Variants in SLC7A1 observed in about 807,000 individuals in gnomAD.
The protein encoded by SLC7A1 is solute carrier family 7 member 1.
A neutral mutation model predicts 53.9 loss-of-function variants in SLC7A1; 10 were observed. The ratio of observed to expected loss-of-function variants is 0.19; its 90% CI spans 0.11 to 0.31. The LOEUF (loss-of-function observed/expected upper bound fraction) is 0.31, where lower values mean the gene tolerates loss of function less well. SLC7A1 is among the 10% of genes least tolerant of loss of function. The pLI, the probability that SLC7A1 is intolerant of heterozygous loss-of-function variation, is 1.00. For missense variants in SLC7A1, 525 were observed against 827.2 expected (o/e 0.63, Z 4.48); for synonymous variants, 342 against 338.7 (o/e 1.01, Z -0.11).
chr13:29,534,494 T>C (rs1310379956), intron 3 of SLC7A1, among the ~76,000 whole-genome samples: 6 of 152,208 alleles, frequency 3.9e-5, no homozygotes, highest in Non-Finnish European at 8.8e-5. Flanking sequence ...GAATTTTATT[T>C]TAGAACCCAG....
At chr13:29,544,650 G>A (rs1406541364) in intron 2 of SLC7A1, among the ~76,000 whole-genome samples, 3 of 152,138 alleles carry the variant, frequency 2.0e-5, no homozygotes, top group Admixed American at 2.0e-4. Flanking sequence ...ATTCTCCCAA[G>A]GAACGTCCCC....
intron 1 of SLC7A1, among the ~76,000 whole-genome samples, chr13:29,560,000 C>G (rs953964953): frequency 2.0e-5 from 3 of 152,020 alleles, no homozygotes; most frequent in African/African-American, 7.3e-5. Flanking sequence ...CAGGCGTGAG[C>G]CATTGCACCC....
rs368008310 is a variant in SLC7A1 at position 29,517,742 on chromosome 13, G to A, written c.1341C>T (p.Ser447=). 3.3e-5 allele frequency: 53 copies of A among 1,614,050 alleles called. No homozygotes were observed. The Middle Eastern group carries it at 4.9e-4, about 15-fold the overall frequency. ...TTTGGTCTGCTGGATCTAACTCGTC[G>A]GAAGTACTGGCCATCTGGTATACCA... ...PNLVYQMAST[S]DELDPADQNE... The change falls in exon 10 of 13, where the codon TCC becomes TCT. Residue 447 remains serine, a synonymous_variant. Coordinates refer to ENST00000380752, the MANE Select transcript of SLC7A1 (RefSeq NM_003045.5).
At chr13:29,592,990 A>AC (rs1566281023) in intron 1 of SLC7A1, among the ~76,000 whole-genome samples, 3 of 151,582 alleles carry the variant, frequency 2.0e-5, no homozygotes, top group Admixed American at 2.0e-4. Flanking sequence ...GGCTGAAGAG[A>AC]CCCCCCAGAT....
rs771575378 is a variant in SLC7A1 at position 29,523,306 on chromosome 13, A to G, written c.1009T>C (p.Tyr337His). ...FKHVGWEGAK[Y>H]AVAVGSLCAL... ...CAGAGGGAGCCCACGGCCACTGCGT[A>G]CTTGGCACCTTCCCAGCCCACGTGC... Residue 337 changes from tyrosine (Y) to histidine (H), a missense_variant, in exon 7 of 13, where the codon TAC becomes CAC. By Grantham distance (83) the Tyr-to-His change is moderately conservative. Around this residue, in one of 4 missense-constraint regions of SLC7A1, gnomAD observed 354 missense variants for 587.5 expected, o/e 0.60. Transcript: ENST00000380752. The G allele has an allele frequency of 1.9e-6, 3 of 1,613,740 alleles. No individual in the cohort carries two copies. Among genetic ancestry groups the G allele is most frequent in the Non-Finnish European group, 1.7e-6 (2 of 1,180,002 alleles).
At chr13:29,552,147 G>A (rs1189694766) in intron 2 of SLC7A1, among the ~76,000 whole-genome samples, 1 of 151,748 alleles carries the variant, frequency 6.6e-6, no homozygotes, top group African/African-American at 2.4e-5. Context: ...CATAGTCTCA[G>A]AATTAACGAT....
intron 1 of SLC7A1, among the ~76,000 whole-genome samples, chr13:29,555,825 CTGGGGG>C: frequency 6.6e-6 from 1 of 152,224 alleles, no homozygotes; most frequent in East Asian, 1.9e-4. Context: ...TCTGATGACA[CTGGGGG>C]TGATGTTAAC....
intron 2 of SLC7A1, among the ~76,000 whole-genome samples, chr13:29,549,505 C>T (rs555922165): frequency 6.6e-6 from 1 of 152,238 alleles, no homozygotes; most frequent in Non-Finnish European, 1.5e-5. Flanking sequence ...AGTGCCACCC[C>T]AAATTGACCC....
At chr13:29,529,315 C>T (rs776227290) in intron 5 of SLC7A1, among the ~76,000 whole-genome samples, 3 of 152,162 alleles carry the variant, frequency 2.0e-5, no homozygotes, top group Admixed American at 6.5e-5. Context: ...CAATACTGGG[C>T]GACATGGCTG....
rs907022954 is a variant in SLC7A1 at position 29,535,820 on chromosome 13, G to A, written c.369C>T (p.Ile123=). ...GAGCTCCGGACCCCTGGGACCTACC[G>A]ATGATGTAGGAGAGGATTAAGTTCC... ...TGWNLILSYI[I]GTSSVARAWS... is the part of the protein sequence containing the mutation. The change falls in exon 3 of 13, where the codon ATC becomes ATT. Residue 123 remains isoleucine (I), a splice_region_variant and synonymous_variant. Transcript: ENST00000380752. The A allele has an allele frequency of 2.4e-5, 38 of 1,611,042 alleles. No homozygotes were observed. The highest frequency in any genetic ancestry group is 8.0e-5 in the African/African-American group (6 of 74,874).
chr13:29,544,872 G>GT (rs1483510961), intron 2 of SLC7A1, among the ~76,000 whole-genome samples: 1 of 151,034 alleles, frequency 6.6e-6, no homozygotes, highest in Non-Finnish European at 1.5e-5. Flanking sequence ...CTCATCGGGG[G>GT]GGGGGGGCAA....
chr13:29,586,945 C>G (rs1344847344), intron 1 of SLC7A1, among the ~76,000 whole-genome samples: 2 of 152,216 alleles, frequency 1.3e-5, no homozygotes, highest in Non-Finnish European at 2.9e-5. Context: ...TGAAGAGTAG[C>G]CCTTCAGCTC....
chr13:29,560,879 C>T (rs536200490), intron 1 of SLC7A1, among the ~76,000 whole-genome samples: 2 of 152,242 alleles, frequency 1.3e-5, no homozygotes, highest in South Asian at 4.1e-4. Context: ...TATCAGAAAA[C>T]ATATCCCACT....
At chr13:29,517,424 C>T (rs761074306) in intron 10 of SLC7A1, 114 bp from the exon 11 acceptor site, 16 of 1,271,842 alleles carry the variant, frequency 1.3e-5, no homozygotes, top group Non-Finnish European at 1.8e-5. Context: ...TCCGAAGGCA[C>T]AACTACAGTT....
chr13:29,554,448 A>T (rs1870342514), intron 1 of SLC7A1, among the ~76,000 whole-genome samples: 1 of 152,210 alleles, frequency 6.6e-6, no homozygotes, highest in African/African-American at 2.4e-5. Flanking sequence ...GTTATCCTAA[A>T]TCTGGGATGC....
intron 1 of SLC7A1, among the ~76,000 whole-genome samples, chr13:29,583,115 C>T (rs866573): frequency 0.28 from 42,425 of 152,152 alleles, 8,615 homozygotes; most frequent in African/African-American, 0.57. Flanking sequence ...GTGCAGGTCC[C>T]TCATTAGGTC....
intron 1 of SLC7A1, among the ~76,000 whole-genome samples, chr13:29,590,787 C>A (rs115800529): frequency 0.018 from 2,773 of 152,062 alleles, 75 homozygotes; most frequent in African/African-American, 0.064. Flanking sequence ...AATGAGAGAG[C>A]GAAATTAAGT....
intron 2 of SLC7A1, among the ~76,000 whole-genome samples, chr13:29,545,222 G>C (rs1869860906): frequency 6.6e-6 from 1 of 152,158 alleles, no homozygotes; most frequent in Non-Finnish European, 1.5e-5. Context: ...GCTAGTTACA[G>C]ATTAAAATCT....
chr13:29,548,201 C>G lies in SLC7A1; in HGVS notation c.-15+5560G>C, dbSNP rs116039569. 7.3e-3 allele frequency among the ~76,000 whole-genome samples: 1,106 copies of G among 152,260 alleles called. 10 individuals are homozygous for G. Among genetic ancestry groups the G allele is most frequent in the African/African-American group, 0.025 (1,037 of 41,530 alleles). On this transcript the variant is annotated intron_variant, in intron 2 of 12. Coordinates refer to ENST00000380752, the MANE Select transcript of SLC7A1 (RefSeq NM_003045.5). ...ACCCTCTCTCACCCGATAGCCTCCA[C>G]CAGAAAAGCTGATATGAGTACCAAA...
Sources: gnomAD v4.1 joint callset for allele counts (sites outside exome capture counted in the v4.1 genomes callset) on GRCh38, gnomAD v4.1.1 for gene constraint, gnomAD v4.1.1 regional missense constraint, MANE v1.5 for transcripts, NCBI Gene and HGNC (gene_info 2026-07-23, HGNC 2026-07-21) for gene names.